The following UST variants were observed in gnomAD, a reference collection of about 807,000 sequenced individuals.
The protein encoded by UST is chondroitin sulfate 2-O-sulfotransferase.
A neutral mutation model predicts 45.6 loss-of-function variants in UST; 21 were observed. The observed-to-expected ratio is 0.46, with a 90% CI of 0.33 to 0.66. UST has a LOEUF of 0.66. UST is among the 30% of genes least tolerant of loss of function. UST has a pLI of 0.02. For missense variants in UST, 463 were observed against 512.4 expected, an observed-to-expected ratio of 0.90 and a Z score of 0.93; for synonymous variants, 215 against 200.6, an observed-to-expected ratio of 1.07 and a Z score of -0.61.
At chr6:148,964,125 C>T (rs1457831230) in intron 4 of UST, among the ~76,000 whole-genome samples, 1 of 152,228 alleles carries the variant, frequency 6.6e-6, no homozygotes, top group Non-Finnish European at 1.5e-5. Context: ...TAGACACCAT[C>T]TCTTCCTTAA....
At chr6:149,002,663 CG>C (rs1469715861) in intron 5 of UST, among the ~76,000 whole-genome samples, 1 of 152,112 alleles carries the variant, frequency 6.6e-6, no homozygotes, top group Non-Finnish European at 1.5e-5. Context: ...CAGACCACCA[CG>C]CCCAGCTAAT....
rs1582812962 is a variant in UST at position 148,789,015 on chromosome 6, A to G, written c.247+41338A>G. Among the ~76,000 whole-genome samples, 3 of 152,338 alleles carry G rather than the reference A, an allele frequency of 2.0e-5. No homozygotes were observed. In the South Asian group the frequency reaches 6.2e-4, roughly 32 times the overall value. ...TGTAGCTACCTATGCCTGCCCGTGA[A>G]TGATACCTACTTAGCGTTGTCTTAG... On this transcript the variant is annotated intron_variant, in intron 1 of 7. Transcript: ENST00000367463.
In UST at chr6:148,751,987, G is replaced by A. The variant is rs538187418; in HGVS notation, c.247+4310G>A. On this transcript the variant is annotated intron_variant, in intron 1 of 7. Transcript: ENST00000367463. Reference sequence around the variant, plus strand: ...TGATCTATCATCCAGCCTTGGATATGTGATTTAGACTTTATGGGAGCTAAA... The same window carrying A: ...TGATCTATCATCCAGCCTTGGATATATGATTTAGACTTTATGGGAGCTAAA... 6.6e-5 allele frequency among the ~76,000 whole-genome samples: 10 copies of A among 152,354 alleles called. No individual in the cohort carries two copies. The East Asian group carries it at 1.5e-3, about 23-fold the overall frequency.
At chr6:149,030,491 T>G (rs1006307795) in intron 7 of UST, among the ~76,000 whole-genome samples, 1 of 150,820 alleles carries the variant, frequency 6.6e-6, no homozygotes, top group African/African-American at 2.4e-5. Flanking sequence ...AAAAAAAAAT[T>G]AAAATTAAAT....
chr6:148,887,381 C>T (rs1778931569), intron 2 of UST, among the ~76,000 whole-genome samples: 1 of 152,240 alleles, frequency 6.6e-6, no homozygotes, highest in Non-Finnish European at 1.5e-5. Context: ...CCCATGCCTT[C>T]GGGCTTTGGG....
intron 4 of UST, among the ~76,000 whole-genome samples, chr6:148,955,198 T>C (rs755168183): frequency 3.3e-5 from 5 of 152,218 alleles, no homozygotes; most frequent in Non-Finnish European, 7.3e-5. Flanking sequence ...TAGTTAGTGC[T>C]GACCCAGTGG....
chr6:148,884,893 A>C (rs1167815301), intron 1 of UST, among the ~76,000 whole-genome samples: 5 of 152,226 alleles, frequency 3.3e-5, no homozygotes, highest in Non-Finnish European at 7.3e-5. Flanking sequence ...ACATGGATCA[A>C]GAATGACTCT....
chr6:148,953,302 A>G (rs572772374), intron 3 of UST, among the ~76,000 whole-genome samples: 13 of 152,352 alleles, frequency 8.5e-5, no homozygotes, highest in African/African-American at 3.1e-4. Context: ...TTAGTACAGC[A>G]ACACACTGAT....
At chr6:148,895,075 C>T (rs1053248166) in intron 2 of UST, among the ~76,000 whole-genome samples, 1 of 152,128 alleles carries the variant, frequency 6.6e-6, no homozygotes. Flanking sequence ...CTCGGCCTCC[C>T]AAACTGCTGG....
chr6:148,857,453 C>CA (rs1199007989), intron 1 of UST, among the ~76,000 whole-genome samples: 1 of 152,124 alleles, frequency 6.6e-6, no homozygotes, highest in East Asian at 1.9e-4. Context: ...AATGCACAGT[C>CA]AATTAACACA....
intron 1 of UST, among the ~76,000 whole-genome samples, chr6:148,776,283 G>A (rs939033985): frequency 1.3e-5 from 2 of 152,188 alleles, no homozygotes; most frequent in Admixed American, 1.3e-4. Flanking sequence ...CAGGCCCTTA[G>A]TGGATCTTCT....
intron 2 of UST, among the ~76,000 whole-genome samples, chr6:148,888,094 T>TA (rs2114845278): frequency 6.6e-6 from 1 of 152,264 alleles, no homozygotes; most frequent in East Asian, 1.9e-4. Context: ...GGAAGCATGA[T>TA]AGAGGCATCT....
Position 148,775,362 on chromosome 6 carries a change from G to A in UST, c.247+27685G>A, listed in dbSNP as rs552105158. On this transcript the variant is annotated intron_variant, in intron 1 of 7. Coordinates refer to ENST00000367463, the MANE Select transcript of UST (RefSeq NM_005715.3). ...GTGTGGAGAAGGGGAAGTTAGGATG[G>A]AGCGAGGTGGTGGTCTTTACCAATG... Among the ~76,000 whole-genome samples, 11 of 152,174 alleles carry A rather than the reference G, an allele frequency of 7.2e-5. 1 individual carries two copies. The highest frequency in any genetic ancestry group is 2.4e-4 in the African/African-American group (10 of 41,442).
At chr6:149,036,737 T>A (rs1776245327) in intron 7 of UST, among the ~76,000 whole-genome samples, 1 of 152,218 alleles carries the variant, frequency 6.6e-6, no homozygotes, top group Admixed American at 6.5e-5. Flanking sequence ...ACTGGTAAAA[T>A]TTCAAAAGCA....
chr6:148,865,634 C>T (rs974478273), intron 1 of UST, among the ~76,000 whole-genome samples: 2 of 150,064 alleles, frequency 1.3e-5, no homozygotes, highest in Non-Finnish European at 3.0e-5. Context: ...CATCCAGGTC[C>T]GGCATTGACC....
At chr6:148,775,041 A>T (rs1776504680) in intron 1 of UST, among the ~76,000 whole-genome samples, 1 of 152,104 alleles carries the variant, frequency 6.6e-6, no homozygotes, top group Non-Finnish European at 1.5e-5. Context: ...AAAAGAGTGC[A>T]TGAAAGAAAA....
chr6:148,868,124 G>A (rs1778480377), intron 1 of UST, among the ~76,000 whole-genome samples: 1 of 152,086 alleles, frequency 6.6e-6, no homozygotes, highest in Admixed American at 6.5e-5. Context: ...TTAGACAAAA[G>A]CTCTGTCTTC....
chr6:148,841,234 A>T (rs1246133210), intron 1 of UST, among the ~76,000 whole-genome samples: 2 of 152,212 alleles, frequency 1.3e-5, no homozygotes, highest in African/African-American at 4.8e-5. Flanking sequence ...AAATGATGAT[A>T]GAAAATTTCT....
At chr6:148,996,244 G>A (rs567111750) in intron 5 of UST, among the ~76,000 whole-genome samples, 22 of 152,308 alleles carry the variant, frequency 1.4e-4, no homozygotes, top group Admixed American at 1.2e-3. Context: ...TTCTGAGACA[G>A]GATCTCACTC....
Sources: allele counts gnomAD v4.1 joint callset (sites outside exome capture counted in the v4.1 genomes callset), GRCh38; gene constraint gnomAD v4.1.1; transcripts MANE v1.5; gene names NCBI Gene and HGNC (gene_info 2026-07-23, HGNC 2026-07-21).